The following FRMD3 variants were observed in gnomAD, a reference collection of about 807,000 sequenced individuals.
FRMD3 encodes FERM domain-containing protein 3.
A neutral mutation model predicts 70.2 loss-of-function variants in FRMD3; 33 were observed. The ratio of observed to expected loss-of-function variants is 0.47; its 90% CI spans 0.36 to 0.63. The LOEUF (loss-of-function observed/expected upper bound fraction) is 0.63. FRMD3 is among the 20% of genes least tolerant of loss of function. The pLI is 0.00. For missense variants in FRMD3, 632 were observed against 711.4 expected (o/e 0.89, Z 1.27); for synonymous variants, 279 against 255.9 (o/e 1.09, Z -0.86).
intron 3 of FRMD3, among the ~76,000 whole-genome samples, chr9:83,364,042 T>C (rs1824708452): frequency 6.6e-6 from 1 of 152,220 alleles, no homozygotes; most frequent in African/African-American, 2.4e-5. Context: ...TTGTAGCTAA[T>C]GATATTGAGC....
In FRMD3 at chr9:83,537,971, G is replaced by T; in HGVS notation, c.147+114C>A. 8.3e-7 allele frequency: 1 copy of T among 1,201,770 alleles called. No homozygotes were observed. The highest frequency in any genetic ancestry group is 1.2e-6 in the Non-Finnish European group (1 of 859,814). 74.4% of individuals were successfully genotyped at this position (1,201,770 alleles called of 1,614,324 possible). ...TGAGGAATCGAAATCTGGCTTTCTA[G>T]CAGTCCCCCAATCCCCTCCGGGAGT... On this transcript the variant is annotated intron_variant, in intron 1 of 13. Transcript: ENST00000304195. The surrounding 1 kb of genome is among the most constrained non-coding windows in gnomAD (Gnocchi z 4.1).
chr9:83,303,159 T>C (rs1006892454), intron 10 of FRMD3, among the ~76,000 whole-genome samples: 3 of 152,218 alleles, frequency 2.0e-5, no homozygotes, highest in Admixed American at 6.5e-5. Flanking sequence ...AGTCATAATT[T>C]AGAGTTCCTG....
chr9:83,435,589 T>C (rs1008445806), intron 1 of FRMD3, among the ~76,000 whole-genome samples: 1 of 151,854 alleles, frequency 6.6e-6, no homozygotes, highest in Non-Finnish European at 1.5e-5. Flanking sequence ...CAGTTACTTC[T>C]TGGCATGAAT....
At chr9:83,506,781 T>TTTG (rs1829191472) in intron 1 of FRMD3, among the ~76,000 whole-genome samples, 1 of 152,216 alleles carries the variant, frequency 6.6e-6, no homozygotes, top group South Asian at 2.1e-4. Context: ...TTTTTAACTT[T>TTTG]TTAACTTTTT....
At chr9:83,552,953 T>C in the FRMD3 span, among the ~76,000 whole-genome samples, 1 of 152,028 alleles carries the variant, frequency 6.6e-6, no homozygotes. Flanking sequence ...GTCACTCTAG[T>C]TTTTAAGAGA....
intron 1 of FRMD3, among the ~76,000 whole-genome samples, chr9:83,525,300 A>G (rs1829662404): frequency 6.6e-6 from 1 of 152,238 alleles, no homozygotes; most frequent in African/African-American, 2.4e-5. Context: ...AGCATAAAAC[A>G]TAGATATATT....
At chr9:83,472,573 C>T (rs908913458) in intron 1 of FRMD3, among the ~76,000 whole-genome samples, 25 of 152,182 alleles carry the variant, frequency 1.6e-4, no homozygotes, top group African/African-American at 5.6e-4. Flanking sequence ...ACCAGCCCAG[C>T]CCAGCTCCTC....
At chr9:83,371,320 AC>A (rs1477101809) in intron 3 of FRMD3, among the ~76,000 whole-genome samples, 3 of 88,010 alleles carry the variant, frequency 3.4e-5, no homozygotes, top group Non-Finnish European at 7.0e-5. Flanking sequence ...CTGTCTTATT[AC>A]TTTTTTTTTT....
At chr9:83,393,937 TTTG>T (rs376918020) in intron 1 of FRMD3, among the ~76,000 whole-genome samples, 3 of 116,972 alleles carry the variant, frequency 2.6e-5, no homozygotes, top group Non-Finnish European at 5.4e-5. Flanking sequence ...TTTGTTTTTT[TTTG>T]TTGTTGTTGT....
chr9:83,484,164 G>T (rs967903592), intron 1 of FRMD3, among the ~76,000 whole-genome samples: 23 of 152,178 alleles, frequency 1.5e-4, no homozygotes, highest in South Asian at 4.1e-4. Context: ...TCTCTTTAAA[G>T]AGTTTATTCA....
rs142998793 is a variant in FRMD3, at chr9:83,424,143, C to T, written c.148-34435G>A. ...CTAACAAGCTCCAGGTGGATGCAGA[C>T]GGTCGTGGCCATGGCCCTTGCTGAG... On this transcript the variant is annotated intron_variant, in intron 1 of 13. Coordinates refer to ENST00000304195, the MANE Select transcript of FRMD3 (RefSeq NM_174938.6). Among the ~76,000 whole-genome samples, 22 of 152,294 alleles carry T rather than the reference C, an allele frequency of 1.4e-4. No individual in the cohort carries two copies. In the East Asian group the frequency reaches 2.7e-3, roughly 19 times the overall value.
At chr9:83,409,612 G>A (rs1826223289) in intron 1 of FRMD3, among the ~76,000 whole-genome samples, 1 of 152,234 alleles carries the variant, frequency 6.6e-6, no homozygotes, top group African/African-American at 2.4e-5. Context: ...CTTAATAAGA[G>A]CAAACATTTT....
At chr9:83,392,912 A>G (rs1329534578) in intron 1 of FRMD3, among the ~76,000 whole-genome samples, 2 of 152,224 alleles carry the variant, frequency 1.3e-5, no homozygotes, top group Non-Finnish European at 2.9e-5. Flanking sequence ...GTACTGATTG[A>G]GCAGAGAAAA....
chr9:83,278,374 A>G (rs1382825578), intron 13 of FRMD3, among the ~76,000 whole-genome samples: 1 of 152,176 alleles, frequency 6.6e-6, no homozygotes, highest in African/African-American at 2.4e-5. Flanking sequence ...TATGGAAAAT[A>G]TGGATGAGAG....
chr9:83,580,568 T>C, the FRMD3 span, among the ~76,000 whole-genome samples: 1 of 152,156 alleles, frequency 6.6e-6, no homozygotes, highest in South Asian at 2.1e-4. Context: ...AAAAGTTGAA[T>C]TCATAGCAGT....
intron 1 of FRMD3, among the ~76,000 whole-genome samples, chr9:83,481,625 A>G (rs1271231592): frequency 6.6e-6 from 1 of 152,256 alleles, no homozygotes; most frequent in Non-Finnish European, 1.5e-5. Context: ...TAGTTTATTT[A>G]AACCCAAATT....
chr9:83,385,556 G>A (rs891295953), intron 2 of FRMD3, among the ~76,000 whole-genome samples: 1 of 152,100 alleles, frequency 6.6e-6, no homozygotes, highest in African/African-American at 2.4e-5. Context: ...ATGCAATCGT[G>A]CTAAATATTT....
chr9:83,270,640 C>T (rs1304978341), intron 13 of FRMD3, among the ~76,000 whole-genome samples: 2 of 152,206 alleles, frequency 1.3e-5, no homozygotes, highest in Non-Finnish European at 2.9e-5. Context: ...GGGTTCCAAT[C>T]CTGGCTGCAT....
At position 83,247,801 on chromosome 9, in the gene FRMD3, C is replaced by A; in HGVS notation, c.*117G>T. ...AAGCTAACTTAAAGGTTTGAATAAT[C>A]AATTATGAGTAAGGAACACCTGTTG... is the stretch of plus-strand genomic sequence containing the variant. On this transcript the variant is annotated 3_prime_UTR_variant, in exon 14 of 14. Transcript: ENST00000304195. 6.7e-7 allele frequency: 1 copy of A among 1,499,072 alleles called. No homozygotes were observed. The allele number at this position is 1,499,072 out of a possible 1,614,324, so 92.9% of individuals were successfully genotyped here.
Sources: gnomAD v4.1 joint callset for allele counts (sites outside exome capture counted in the v4.1 genomes callset) on GRCh38, gnomAD v4.1.1 for gene constraint, Gnocchi (gnomAD v3.1) non-coding constraint, MANE v1.5 for transcripts, NCBI Gene and HGNC (gene_info 2026-07-23, HGNC 2026-07-21) for gene names.